The following ARHGAP10 variants were observed in gnomAD, a reference collection of about 807,000 sequenced individuals.
ARHGAP10 encodes rho GTPase-activating protein 10.
In ARHGAP10, 87 loss-of-function variants were observed where a neutral mutation model predicts 108.6. The observed-to-expected ratio is 0.80, with a 90% CI of 0.67 to 0.96. ARHGAP10 has a LOEUF of 0.96. ARHGAP10 is among the 40% of genes least tolerant of loss of function. The pLI is 0.00. For synonymous variants in ARHGAP10, 347 were observed against 341.1 expected, an observed-to-expected ratio of 1.02 and a Z score of -0.19; for missense variants, 939 against 954.5, an observed-to-expected ratio of 0.98 and a Z score of 0.21.
Position 148,035,550 on chromosome 4 carries a change from A to T in ARHGAP10, c.1868-11342A>T, listed in dbSNP as rs116922450. Among the ~76,000 whole-genome samples the T allele has an allele frequency of 2.4e-4, 36 of 152,320 alleles. No homozygotes were observed. In the East Asian group the frequency reaches 6.5e-3, roughly 28 times the overall value. ...ATTCATCTGTACATTATTTGGCTTC[A>T]TTATAGTTCCCATTTTGTCTTGCCA... On this transcript the variant is annotated intron_variant, in intron 19 of 22. Transcript: ENST00000336498.
At chr4:148,007,825 T>C (rs1341512997) in intron 18 of ARHGAP10, among the ~76,000 whole-genome samples, 1 of 152,230 alleles carries the variant, frequency 6.6e-6, no homozygotes, top group Non-Finnish European at 1.5e-5. Context: ...TAAAAATTGA[T>C]ACTGTGGCTT....
intron 1 of ARHGAP10, among the ~76,000 whole-genome samples, chr4:147,762,169 A>G (rs927039988): frequency 1.1e-4 from 17 of 151,988 alleles, no homozygotes; most frequent in African/African-American, 3.6e-4. Context: ...CACCATGCCC[A>G]GCTAACTTTT....
At chr4:147,861,852 T>C (rs971418429) in intron 5 of ARHGAP10, 1 of 152,254 alleles carries the variant, frequency 6.6e-6, no homozygotes, top group African/African-American at 2.4e-5. Flanking sequence ...AGTGTGCTGA[T>C]TGGCCCATGC....
intron 13 of ARHGAP10, among the ~76,000 whole-genome samples, chr4:147,936,613 G>A (rs978922850): frequency 2.6e-5 from 4 of 152,108 alleles, no homozygotes; most frequent in African/African-American, 9.7e-5. Context: ...ACAGGCGTGA[G>A]CCACCGCGCC....
chr4:147,969,274 C>T (rs1739316304), intron 18 of ARHGAP10, among the ~76,000 whole-genome samples: 1 of 150,182 alleles, frequency 6.7e-6, no homozygotes, highest in East Asian at 2.0e-4. Flanking sequence ...ATTTTCTTTA[C>T]CATTATGGTA....
chr4:147,924,334 CTG>C (rs1003334520), intron 13 of ARHGAP10, among the ~76,000 whole-genome samples: 5 of 152,050 alleles, frequency 3.3e-5, no homozygotes, highest in African/African-American at 7.2e-5. Context: ...TGTCCAGTGA[CTG>C]TTTTTTTTCA....
At chr4:147,854,953 C>A (rs1185220496) in intron 4 of ARHGAP10, 4 of 819,822 alleles carry the variant, frequency 4.9e-6, no homozygotes, top group Non-Finnish European at 4.4e-6. Flanking sequence ...ATTTTCATAG[C>A]CTTCTATTGC....
intron 18 of ARHGAP10, among the ~76,000 whole-genome samples, chr4:147,968,849 G>A (rs1040271322): frequency 2.0e-5 from 3 of 152,160 alleles, no homozygotes; most frequent in Non-Finnish European, 4.4e-5. Flanking sequence ...TGCCGGATGT[G>A]CAGATGAATA....
At chr4:147,842,287 A>G (rs1733448047) in intron 3 of ARHGAP10, among the ~76,000 whole-genome samples, 1 of 152,190 alleles carries the variant, frequency 6.6e-6, no homozygotes, top group South Asian at 2.1e-4. Flanking sequence ...TGGGGCTCAG[A>G]CGGATATTGC....
chr4:147,982,810 C>G (rs1002661561), intron 18 of ARHGAP10, among the ~76,000 whole-genome samples: 37 of 152,172 alleles, frequency 2.4e-4, no homozygotes, highest in African/African-American at 8.4e-4. Flanking sequence ...TCTTTTCTCT[C>G]AGGAATGCCA....
Position 147,946,636 on chromosome 4 carries a change from G to T in ARHGAP10, c.1323G>T (p.Glu441Asp), listed in dbSNP as rs1428890955. 2 of 1,612,506 alleles carry T rather than the reference G, an allele frequency of 1.2e-6. No individual in the cohort carries two copies. The highest frequency in any genetic ancestry group is 1.7e-5 in the Admixed American group (1 of 59,734). ...SMLMDVKTCNEVDLENSADWE... is the reference protein window; with the variant it reads ...SMLMDVKTCNDVDLENSADWE... Reference sequence around the variant, plus strand: ...CACTAGATGTAAAAACATGCAATGAGGTGGACCTGGAGAATTCTGCAGATT... The same window carrying T: ...CACTAGATGTAAAAACATGCAATGATGTGGACCTGGAGAATTCTGCAGATT... The change falls in exon 15 of 23, where the codon GAG (glutamate) becomes GAT (aspartate). Residue 441 changes from glutamate (E) to aspartate (D), a missense_variant. Transcript: ENST00000336498.
intron 19 of ARHGAP10, 105 bp downstream of exon 19, chr4:148,023,518 T>C: frequency 8.1e-7 from 1 of 1,240,758 alleles, no homozygotes; most frequent in East Asian, 2.6e-5. Context: ...TTTTAATTTC[T>C]TCTTCCCTTA....
intron 16 of ARHGAP10, 118 bp from the exon 17 acceptor site, chr4:147,964,906 T>A (rs1739147604): frequency 3.1e-6 from 2 of 653,202 alleles, no homozygotes; most frequent in South Asian, 7.6e-5. Flanking sequence ...TGTTTGATAA[T>A]CTTGAACAGA....
chr4:147,835,904 G>A (rs986973960), intron 3 of ARHGAP10, among the ~76,000 whole-genome samples: 2 of 152,172 alleles, frequency 1.3e-5, no homozygotes, highest in Admixed American at 1.3e-4. Flanking sequence ...TCGAAGCGAG[G>A]TTCTTACTGT....
intron 3 of ARHGAP10, among the ~76,000 whole-genome samples, chr4:147,839,385 G>C (rs1038685810): frequency 6.6e-6 from 1 of 152,150 alleles, no homozygotes. Context: ...TCAAAAACAC[G>C]TGGAATCCAG....
chr4:147,870,144 G>A (rs1415027867), intron 7 of ARHGAP10, among the ~76,000 whole-genome samples: 2 of 151,760 alleles, frequency 1.3e-5, no homozygotes, highest in African/African-American at 4.8e-5. Flanking sequence ...TCCGCCTCCC[G>A]GGTTCATGCC....
intron 1 of ARHGAP10, among the ~76,000 whole-genome samples, chr4:147,808,774 G>A (rs1292658567): frequency 1.3e-5 from 2 of 152,168 alleles, no homozygotes; most frequent in Non-Finnish European, 2.9e-5. Flanking sequence ...GCCCCCTCTG[G>A]TTCTGCACTC....
chr4:147,908,248 T>G (rs1289528418), intron 11 of ARHGAP10, among the ~76,000 whole-genome samples: 1 of 152,196 alleles, frequency 6.6e-6, no homozygotes, highest in Non-Finnish European at 1.5e-5. Flanking sequence ...TATACTAGTC[T>G]TCTTTAGTAA....
At chr4:147,821,222 C>T (rs1292973461) in intron 1 of ARHGAP10, among the ~76,000 whole-genome samples, 2 of 151,920 alleles carry the variant, frequency 1.3e-5, no homozygotes, top group Non-Finnish European at 2.9e-5. Flanking sequence ...GGTGGAGGCT[C>T]TGAATTGGCA....
Sources: allele counts gnomAD v4.1 joint callset (sites outside exome capture counted in the v4.1 genomes callset), GRCh38; gene constraint gnomAD v4.1.1; transcripts MANE v1.5; gene names NCBI Gene and HGNC (gene_info 2026-07-23, HGNC 2026-07-21).